LIMD1: variants seen among roughly 807,000 people sequenced by gnomAD.
The protein encoded by LIMD1 is LIM domain-containing protein 1.
Under a neutral mutation model 58.4 loss-of-function variants are expected in LIMD1, and 23 were observed. That is an observed-to-expected ratio of 0.39 (90% CI 0.28 to 0.56). LIMD1 has a LOEUF of 0.56. Among genes scored for constraint, LIMD1 ranks in the 20% least tolerant of loss-of-function variants. The pLI is 0.57. For synonymous variants in LIMD1, 334 were observed against 345.5 expected (o/e 0.97, Z 0.37); for missense variants, 838 against 855.5 (o/e 0.98, Z 0.25).
At chr3:45,604,577 C>G (rs2125648770) in intron 1 of LIMD1, among the ~76,000 whole-genome samples, 1 of 152,324 alleles carries the variant, frequency 6.6e-6, no homozygotes, top group South Asian at 2.1e-4. Context: ...GACCCTCGCT[C>G]TGGCCCACCC....
At chr3:45,638,835 A>G (rs1386466962) in intron 2 of LIMD1, among the ~76,000 whole-genome samples, 2 of 152,006 alleles carry the variant, frequency 1.3e-5, no homozygotes, top group African/African-American at 4.8e-5. Flanking sequence ...AATAATGGCC[A>G]TTTTGTGGTT....
intron 1 of LIMD1, among the ~76,000 whole-genome samples, chr3:45,602,723 C>CAG (rs1701428139): frequency 1.3e-5 from 2 of 152,156 alleles, no homozygotes; most frequent in African/African-American, 2.4e-5. Flanking sequence ...ATCTATGTAC[C>CAG]TACATGTCCT....
Position 45,595,758 on chromosome 3 carries a change from G to T in LIMD1, c.879G>T (p.Arg293Ser), listed in dbSNP as rs1360782522. ...CAGCTGTGGGGCCTGTTCAGCCCAG[G>T]ACCCCTTCTGTGTCAGCACCCTTGG... ...GAPAVGPVQP[R>S]TPSVSAPLAL... Residue 293 changes from arginine to serine, a missense_variant, in exon 1 of 8, where the codon AGG (arginine) becomes AGT (serine). Arg to Ser is a moderately radical substitution (Grantham distance 110, BLOSUM62 -1). Around this residue, in one of 3 missense-constraint regions of LIMD1, gnomAD observed 659 missense variants for 639.8 expected, o/e 1.03. Transcript: ENST00000273317. The T allele has an allele frequency of 1.2e-6, 2 of 1,614,064 alleles. No homozygotes were observed. The highest frequency in any genetic ancestry group is 1.7e-6 in the Non-Finnish European group (2 of 1,180,016).
Position 45,596,280 on chromosome 3 carries a change from T to C in LIMD1, c.1401T>C (p.Asp467=). 1 of 1,598,284 alleles carries C rather than the reference T, an allele frequency of 6.3e-7. No individual in the cohort carries two copies. The highest frequency in any genetic ancestry group is 8.5e-7 in the Non-Finnish European group (1 of 1,172,572). The change falls in exon 1 of 8, where the codon GAT becomes GAC. Residue 467 remains aspartate (D), a synonymous_variant. Coordinates refer to ENST00000273317, the MANE Select transcript of LIMD1 (RefSeq NM_014240.3). ...AGATGGATGCTCACCCGAAGGCTGA[T>C]TACTTTGGTGAGTGAGAGGCTGGTG... The part of the protein sequence containing the change: ...EREMDAHPKA[D]YFGACVKCSK...
rs1559527885 is a variant in LIMD1, at chr3:45,678,045, C to T, written c.*986C>T. ...AGGAGAGTTTTTGTGTGTGCGAGAT[C>T]TCTAAGCCAGCGTGGGAGGGAGCGC... is the stretch of plus-strand genomic sequence containing the variant. On this transcript the variant is annotated 3_prime_UTR_variant, in exon 8 of 8. Transcript: ENST00000273317. The T allele has an allele frequency of 6.6e-6, 1 of 152,562 alleles. No individual in the cohort carries two copies. Among genetic ancestry groups the T allele is most frequent in the African/African-American group, 2.4e-5 (1 of 41,430 alleles). The allele number at this position is 152,562 out of a possible 1,614,324, so 9.5% of individuals were successfully genotyped here.
intron 2 of LIMD1, among the ~76,000 whole-genome samples, chr3:45,649,848 G>GTT (rs367547670): frequency 0.055 from 5,395 of 97,294 alleles, 182 homozygotes; most frequent in African/African-American, 0.09. Flanking sequence ...AAGTTTTTTT[G>GTT]TTTTTTTTTT....
At chr3:45,643,218 G>C (rs939278729) in intron 2 of LIMD1, among the ~76,000 whole-genome samples, 1 of 152,146 alleles carries the variant, frequency 6.6e-6, no homozygotes, top group Non-Finnish European at 1.5e-5. Flanking sequence ...AGGCGTGGTG[G>C]CTCAATCTGT....
chr3:45,656,066 G>T (rs912009864), intron 2 of LIMD1, among the ~76,000 whole-genome samples: 4 of 152,136 alleles, frequency 2.6e-5, no homozygotes, highest in African/African-American at 9.7e-5. Flanking sequence ...TATAAGAAGA[G>T]CTCAGAGATG....
intron 2 of LIMD1, among the ~76,000 whole-genome samples, chr3:45,639,056 AC>A (rs1428259237): frequency 6.6e-6 from 1 of 152,048 alleles, no homozygotes; most frequent in African/African-American, 2.4e-5. Context: ...TTTTGTAGAG[AC>A]AGAGGTCTCG....
At chr3:45,610,196 ACTT>A (rs1360486889) in intron 1 of LIMD1, among the ~76,000 whole-genome samples, 1 of 152,116 alleles carries the variant, frequency 6.6e-6, no homozygotes, top group Non-Finnish European at 1.5e-5. Context: ...GAAAAAAAAG[ACTT>A]CTCGAATGAA....
intron 2 of LIMD1, among the ~76,000 whole-genome samples, chr3:45,645,653 C>T (rs2125661522): frequency 6.6e-6 from 1 of 152,278 alleles, no homozygotes; most frequent in African/African-American, 2.4e-5. Flanking sequence ...CATCTCAGAG[C>T]CAGAGTCCTG....
intron 1 of LIMD1, among the ~76,000 whole-genome samples, chr3:45,628,180 ACCTGGTGGACT>A (rs1158141397): frequency 6.6e-6 from 1 of 152,128 alleles, no homozygotes; most frequent in East Asian, 1.9e-4. Flanking sequence ...GAGAGGCAGA[ACCTGGTGGACT>A]CCCTGAGTTG....
chr3:45,627,805 C>T (rs918079048), intron 1 of LIMD1, among the ~76,000 whole-genome samples: 6 of 150,552 alleles, frequency 4.0e-5, no homozygotes, highest in South Asian at 2.1e-4. Context: ...GTCAGGAGTT[C>T]GATACCAGCC....
intron 2 of LIMD1, among the ~76,000 whole-genome samples, chr3:45,642,109 A>G (rs1699851773): frequency 6.6e-6 from 1 of 152,090 alleles, no homozygotes; most frequent in Admixed American, 6.5e-5. Flanking sequence ...CCTTACACGG[A>G]TATGAACATT....
intron 1 of LIMD1, among the ~76,000 whole-genome samples, chr3:45,602,444 A>C (rs2125648099): frequency 6.6e-6 from 1 of 152,292 alleles, no homozygotes; most frequent in East Asian, 1.9e-4. Flanking sequence ...GTGGATGGAC[A>C]GGCCTGCTCC....
intron 2 of LIMD1, among the ~76,000 whole-genome samples, chr3:45,647,717 T>A (rs1701921107): frequency 6.6e-6 from 1 of 152,236 alleles, no homozygotes; most frequent in Non-Finnish European, 1.5e-5. Flanking sequence ...CTTCAGCTAC[T>A]TTTTGCCTTA....
At chr3:45,613,532 C>T (rs537919509) in intron 1 of LIMD1, among the ~76,000 whole-genome samples, 6 of 148,276 alleles carry the variant, frequency 4.0e-5, no homozygotes, top group Non-Finnish European at 7.4e-5. Flanking sequence ...AGTAATATTA[C>T]ATTGTATGGA....
intron 2 of LIMD1, among the ~76,000 whole-genome samples, chr3:45,661,706 TATC>T (rs1262425685): frequency 2.0e-5 from 3 of 152,218 alleles, no homozygotes; most frequent in Admixed American, 6.5e-5. Flanking sequence ...ACACTGGGGT[TATC>T]ATTCTTTTTA....
chr3:45,629,184 C>T (rs571632951), intron 1 of LIMD1, among the ~76,000 whole-genome samples: 155 of 151,852 alleles, frequency 1.0e-3, no homozygotes, highest in Non-Finnish European at 1.9e-3. Context: ...GAGGCCGAGG[C>T]GGGCAGATCA....
Sources: gnomAD v4.1 joint callset for allele counts (sites outside exome capture counted in the v4.1 genomes callset) on GRCh38, gnomAD v4.1.1 for gene constraint, gnomAD v4.1.1 regional missense constraint, MANE v1.5 for transcripts, NCBI Gene and HGNC (gene_info 2026-07-23, HGNC 2026-07-21) for gene names.